Variants in LCLAT1 observed in about 807,000 individuals in gnomAD.
The protein encoded by LCLAT1 is 1-AGP acyltransferase 8.
In LCLAT1, 11 loss-of-function variants were observed where a neutral mutation model predicts 30.7. The observed-to-expected ratio is 0.36, with a 90% confidence interval of 0.23 to 0.59. The LOEUF is 0.59. Among genes scored for constraint, LCLAT1 ranks in the 20% least tolerant of loss-of-function variants. The pLI is 0.77. For missense variants in LCLAT1, 402 were observed against 458.6 expected, an observed-to-expected ratio of 0.88 and a Z score of 1.13; for synonymous variants, 155 against 151.3, an observed-to-expected ratio of 1.02 and a Z score of -0.18.
At chr2:30,482,065 C>G (rs1020517450) in intron 1 of LCLAT1, among the ~76,000 whole-genome samples, 3 of 152,106 alleles carry the variant, frequency 2.0e-5, no homozygotes, top group African/African-American at 7.2e-5. Flanking sequence ...GGATTATTTA[C>G]CTTTTCAGGG....
At chr2:30,481,557 C>T (rs1683325099) in intron 1 of LCLAT1, among the ~76,000 whole-genome samples, 1 of 152,130 alleles carries the variant, frequency 6.6e-6, no homozygotes, top group Non-Finnish European at 1.5e-5. Context: ...GAGAGGCTAG[C>T]ATTTCAAGGA....
At chr2:30,449,969 T>A (rs2692035) in intron 1 of LCLAT1, among the ~76,000 whole-genome samples, 110,730 of 151,670 alleles carry the variant, frequency 0.73, 41,492 homozygotes, top group East Asian at 0.87. Context: ...TATTTATTAA[T>A]AAAATAGGAT....
intron 5 of LCLAT1, among the ~76,000 whole-genome samples, chr2:30,605,816 T>C (rs1667411136): frequency 6.6e-6 from 1 of 152,168 alleles, no homozygotes; most frequent in East Asian, 1.9e-4. Flanking sequence ...GCACTGGTTT[T>C]GTGGAAGACC....
chr2:30,575,895 G>A (rs1466472985), intron 5 of LCLAT1, among the ~76,000 whole-genome samples: 1 of 151,914 alleles, frequency 6.6e-6, no homozygotes, highest in Non-Finnish European at 1.5e-5. Context: ...TTTTGCCCTG[G>A]GTTTATTATA....
intron 3 of LCLAT1, among the ~76,000 whole-genome samples, chr2:30,554,146 G>C (rs1275329498): frequency 6.6e-6 from 1 of 152,172 alleles, no homozygotes; most frequent in Non-Finnish European, 1.5e-5. Flanking sequence ...TATTAGAAAA[G>C]TTTTATAGCA....
chr2:30,584,467 T>C (rs1182982469), intron 5 of LCLAT1, among the ~76,000 whole-genome samples: 3 of 152,236 alleles, frequency 2.0e-5, no homozygotes, highest in Admixed American at 6.5e-5. Flanking sequence ...ATAATGTGTA[T>C]GGTAGGTACA....
intron 5 of LCLAT1, among the ~76,000 whole-genome samples, chr2:30,586,075 A>T (rs1266914666): frequency 1.3e-5 from 2 of 151,934 alleles, no homozygotes; most frequent in Non-Finnish European, 2.9e-5. Flanking sequence ...CCCCATCTCT[A>T]CTAAAAAAAT....
chr2:30,451,221 T>A (rs1681531824), intron 1 of LCLAT1, among the ~76,000 whole-genome samples: 1 of 152,218 alleles, frequency 6.6e-6, no homozygotes, highest in East Asian at 1.9e-4. Flanking sequence ...AGTGCCGGTG[T>A]TGACAAGGGT....
rs146275174 is a variant in LCLAT1 at position 30,567,878 on chromosome 2, G to A, written c.512-182G>A. 1.2e-4 allele frequency among the ~76,000 whole-genome samples: 18 copies of A among 152,222 alleles called. 1 individual carries two copies. The highest frequency in any genetic ancestry group is 4.3e-4 in the African/African-American group (18 of 41,526). On this transcript the variant is annotated intron_variant, in intron 4 of 5. Coordinates refer to ENST00000379509, the MANE Select transcript of LCLAT1 (RefSeq NM_001002257.3). The stretch of plus-strand genomic sequence containing the variant: ...GCCAAACCTGGGTCTGGTTACATAA[G>A]TAGGTCTGGGATCTTGATAATGGAC...
chr2:30,578,147 G>C (rs572007270), intron 5 of LCLAT1, among the ~76,000 whole-genome samples: 1 of 152,192 alleles, frequency 6.6e-6, no homozygotes, highest in African/African-American at 2.4e-5. Context: ...ATCTTTGAGT[G>C]CTTTGGATTA....
intron 4 of LCLAT1, among the ~76,000 whole-genome samples, chr2:30,565,787 G>A (rs1285917559): frequency 6.6e-6 from 1 of 152,218 alleles, no homozygotes; most frequent in Non-Finnish European, 1.5e-5. Flanking sequence ...TAAGGAGAGA[G>A]AGAGAGTCAT....
At chr2:30,534,571 G>A (rs539148847) in intron 3 of LCLAT1, among the ~76,000 whole-genome samples, 4 of 152,214 alleles carry the variant, frequency 2.6e-5, no homozygotes, top group South Asian at 2.1e-4. Flanking sequence ...CACTGCGCCC[G>A]GCCAACTGTT....
At chr2:30,633,766 T>C (rs1668881833) in intron 5 of LCLAT1, among the ~76,000 whole-genome samples, 1 of 152,224 alleles carries the variant, frequency 6.6e-6, no homozygotes. Context: ...AGAAAAATTT[T>C]AGTTGTTATG....
intron 5 of LCLAT1, among the ~76,000 whole-genome samples, chr2:30,582,912 C>A (rs1333121142): frequency 1.3e-5 from 2 of 152,214 alleles, no homozygotes; most frequent in Non-Finnish European, 1.5e-5. Flanking sequence ...TAGCTTGTAA[C>A]ATTTACATAA....
intron 3 of LCLAT1, chr2:30,552,555 G>A (rs772750227): frequency 8.0e-5 from 36 of 450,204 alleles, no homozygotes; most frequent in South Asian, 5.7e-4. Flanking sequence ...CTGCAAAAAT[G>A]TCATAAAATT....
chr2:30,639,564 G>A (rs1351527812), intron 5 of LCLAT1, among the ~76,000 whole-genome samples: 2 of 152,138 alleles, frequency 1.3e-5, no homozygotes, highest in Non-Finnish European at 1.5e-5. Flanking sequence ...GAGTACCTGG[G>A]CTTACAGGTG....
chr2:30,537,700 T>C (rs1196253924), intron 3 of LCLAT1, among the ~76,000 whole-genome samples: 2 of 152,206 alleles, frequency 1.3e-5, no homozygotes, highest in African/African-American at 4.8e-5. Flanking sequence ...AACCAAGACA[T>C]ATACTGGATT....
chr2:30,473,058 A>G (rs117602820), intron 1 of LCLAT1, among the ~76,000 whole-genome samples: 1 of 152,220 alleles, frequency 6.6e-6, no homozygotes, highest in South Asian at 2.1e-4. Context: ...CCATATATCC[A>G]TGGCCTCACC....
chr2:30,567,717 T>C (rs775076303), intron 4 of LCLAT1, among the ~76,000 whole-genome samples: 5 of 152,196 alleles, frequency 3.3e-5, no homozygotes, highest in Non-Finnish European at 7.3e-5. Context: ...AAAAACACTA[T>C]GATAAATTTT....
Sources: allele counts gnomAD v4.1 joint callset (sites outside exome capture counted in the v4.1 genomes callset), GRCh38; gene constraint gnomAD v4.1.1; transcripts MANE v1.5; gene names NCBI Gene and HGNC (gene_info 2026-07-23, HGNC 2026-07-21).